Variants in MDH2 observed in about 807,000 individuals in gnomAD.
The protein encoded by MDH2 is malate dehydrogenase 2.
In MDH2, 25 loss-of-function variants were observed where a neutral mutation model predicts 33.6. That is an observed-to-expected ratio of 0.74 (90% CI 0.54 to 1.04). The LOEUF (loss-of-function observed/expected upper bound fraction) is 1.04. Ranked by LOEUF, MDH2 falls within the 50% of genes least tolerant of loss-of-function variation. The pLI is 0.00. For synonymous variants in MDH2, 193 were observed against 188.7 expected (o/e 1.02, Z -0.19); for missense variants, 432 against 445.0 (o/e 0.97, Z 0.26).
Position 76,066,380 on chromosome 7 carries a change from G to A in MDH2, c.987G>A (p.Lys329=). The change falls in exon 9 of 9, where the codon AAG becomes AAA. Residue 329 remains lysine, a synonymous_variant. Coordinates refer to ENST00000315758, the MANE Select transcript of MDH2 (RefSeq NM_005918.4). ...AIPELKASIK[K]GEDFVKTLK ...CCGAGCTGAAGGCCTCCATCAAGAA[G>A]GGGGAAGATTTCGTGAAGACCCTGA... The A allele has an allele frequency of 1.2e-6, 2 of 1,611,924 alleles. No homozygotes were observed. Among genetic ancestry groups the A allele is most frequent in the Non-Finnish European group, 1.7e-6 (2 of 1,179,464 alleles).
chr7:76,057,988 G>T lies in MDH2; in HGVS notation c.339G>T (p.Leu113=). ...TTCCAGGCATGACCCGGGACGACCTGTTCAACACCAATGCCACGATTGTGG... is the reference window on the plus strand; with the variant it reads ...TTCCAGGCATGACCCGGGACGACCTTTTCAACACCAATGCCACGATTGTGG... ...PRKPGMTRDD[L]FNTNATIVAT... is the part of the protein sequence containing the mutation. The change falls in exon 4 of 9, where the codon CTG becomes CTT. Residue 113 remains leucine, a synonymous_variant. Coordinates refer to ENST00000315758, the MANE Select transcript of MDH2 (RefSeq NM_005918.4). 6.2e-7 allele frequency: 1 copy of T among 1,614,114 alleles called. No homozygotes were observed. Among genetic ancestry groups the T allele is most frequent in the Non-Finnish European group, 8.5e-7 (1 of 1,180,032 alleles).
intron 8 of MDH2, among the ~76,000 whole-genome samples, chr7:76,065,804 T>TTGTG (rs1242622336): frequency 1.3e-5 from 2 of 152,192 alleles, no homozygotes; most frequent in Non-Finnish European, 2.9e-5. Flanking sequence ...GACATTTACC[T>TTGTG]ACTTAGTGAC....
At chr7:76,060,349 A>G (rs963153296) in intron 4 of MDH2, 24 bp from the exon 5 acceptor site, 2 of 1,613,204 alleles carry the variant, frequency 1.2e-6, no homozygotes, top group Admixed American at 1.7e-5. Flanking sequence ...AGGGCAAGCC[A>G]TGCCTGTCTG....
intron 5 of MDH2, among the ~76,000 whole-genome samples, chr7:76,061,448 A>G (rs1297754398): frequency 6.6e-6 from 1 of 152,098 alleles, no homozygotes; most frequent in African/African-American, 2.4e-5. Context: ...CAGGCCTTAG[A>G]GTTCCATGGA....
intron 5 of MDH2, 93 bp from the exon 6 acceptor site, chr7:76,063,422 G>A (rs1468206385): frequency 2.4e-6 from 3 of 1,240,138 alleles, no homozygotes; most frequent in African/African-American, 1.5e-5. Context: ...GAGTTCTGGG[G>A]GGCTTTTCCA....
chr7:76,048,942 A>G (rs1797455981), intron 1 of MDH2: 1 of 950,460 alleles, frequency 1.1e-6, no homozygotes, highest in South Asian at 5.0e-5. Flanking sequence ...AAGCTAATAA[A>G]AAACAGACGT....
intron 1 of MDH2, among the ~76,000 whole-genome samples, chr7:76,049,646 T>G (rs1458665173): frequency 6.6e-6 from 1 of 152,060 alleles, no homozygotes; most frequent in East Asian, 1.9e-4. Context: ...CCTTCAGATA[T>G]CCGACATATT....
chr7:76,060,387 C>G lies in MDH2; in HGVS notation c.444C>G (p.Ile148Met). The change falls in exon 5 of 9, where the codon ATC becomes ATG. Residue 148 changes from isoleucine (I) to methionine (M), a missense_variant. Physicochemically the swap from Ile to Met is conservative, Grantham distance 10 (BLOSUM62 1). Transcript: ENST00000315758. ...GGATGTCCTAGGTTAATTCCACCATCCCCATCACAGCAGAAGTTTTCAAGA... is the reference window on the plus strand; with the variant it reads ...GGATGTCCTAGGTTAATTCCACCATGCCCATCACAGCAGAAGTTTTCAAGA... ...CVIANPVNST[I>M]PITAEVFKKH... The G allele has an allele frequency of 6.2e-7, 1 of 1,614,150 alleles. No individual in the cohort carries two copies. The highest frequency in any genetic ancestry group is 8.5e-7 in the Non-Finnish European group (1 of 1,179,998).
chr7:76,059,583 C>T (rs1204698624), intron 4 of MDH2, among the ~76,000 whole-genome samples: 3 of 152,252 alleles, frequency 2.0e-5, no homozygotes, highest in Non-Finnish European at 4.4e-5. Flanking sequence ...CAGCAGCCAC[C>T]TCACTGCTCC....
chr7:76,060,271 T>A, intron 4 of MDH2, 102 bp from the exon 5 acceptor site: 1 of 1,485,650 alleles, frequency 6.7e-7, no homozygotes, highest in African/African-American at 1.4e-5. Flanking sequence ...TTTGGACTAG[T>A]TAGACCTTTG....
intron 2 of MDH2, among the ~76,000 whole-genome samples, chr7:76,056,765 T>C (rs1554586331): frequency 6.6e-6 from 1 of 151,366 alleles, no homozygotes; most frequent in Non-Finnish European, 1.5e-5. Context: ...GTAATCCCAG[T>C]ACTTTGGGAG....
intron 4 of MDH2, among the ~76,000 whole-genome samples, chr7:76,058,969 T>A (rs1276547542): frequency 6.6e-6 from 1 of 152,182 alleles, no homozygotes; most frequent in Non-Finnish European, 1.5e-5. Context: ...TGTTTGTTTG[T>A]TTTTGGCTCT....
chr7:76,065,075 G>C, intron 8 of MDH2, 122 bp downstream of exon 8: 2 of 1,236,700 alleles, frequency 1.6e-6, no homozygotes, highest in South Asian at 2.8e-5. Flanking sequence ...GGCGAGTGCT[G>C]TTGTTTTCAA....
At chr7:76,061,130 C>G (rs985522531) in intron 5 of MDH2, among the ~76,000 whole-genome samples, 6 of 152,194 alleles carry the variant, frequency 3.9e-5, no homozygotes, top group Non-Finnish European at 2.9e-5. Context: ...TAGTGCTTTG[C>G]ACAGCCTGCT....
At chr7:76,055,352 C>T (rs184775814) in intron 2 of MDH2, among the ~76,000 whole-genome samples, 8 of 152,244 alleles carry the variant, frequency 5.3e-5, no homozygotes, top group Non-Finnish European at 1.5e-5. Flanking sequence ...CCAGGGTTAT[C>T]TTGCCAGCTT....
intron 7 of MDH2, 24 bp downstream of exon 7, chr7:76,064,462 G>C (rs201658106): frequency 9.4e-6 from 15 of 1,595,704 alleles, no homozygotes; most frequent in African/African-American, 1.3e-5. Context: ...CAGCCCCGGG[G>C]CTGGGTGCCA....
chr7:76,053,681 C>T (rs1246358060), intron 1 of MDH2, among the ~76,000 whole-genome samples: 1 of 152,154 alleles, frequency 6.6e-6, no homozygotes, highest in Non-Finnish European at 1.5e-5. Context: ...CCCCAGATGA[C>T]CACACACGGT....
At chr7:76,053,901 G>C (rs144260059) in intron 1 of MDH2, among the ~76,000 whole-genome samples, 1 of 152,114 alleles carries the variant, frequency 6.6e-6, no homozygotes, top group Non-Finnish European at 1.5e-5. Flanking sequence ...TGCTGGATGC[G>C]GGGCCGGGTC....
At chr7:76,052,576 T>C (rs1554585638) in intron 1 of MDH2, among the ~76,000 whole-genome samples, 1 of 151,110 alleles carries the variant, frequency 6.6e-6, no homozygotes, top group East Asian at 1.9e-4. Flanking sequence ...TTTTTTTTTT[T>C]TTTTTGAGAT....
Sources: allele counts gnomAD v4.1 joint callset (sites outside exome capture counted in the v4.1 genomes callset), GRCh38; gene constraint gnomAD v4.1.1; transcripts MANE v1.5; gene names NCBI Gene and HGNC (gene_info 2026-07-23, HGNC 2026-07-21).